KCNJ16: variants seen among roughly 807,000 people sequenced by gnomAD.
The protein encoded by KCNJ16 is inward rectifier potassium channel 16.
A neutral mutation model predicts 18.5 loss-of-function variants in KCNJ16; 15 were observed. That is an observed-to-expected ratio of 0.81 (90% CI 0.54 to 1.25). KCNJ16 has a LOEUF of 1.25. Ranked by LOEUF, KCNJ16 falls within the 50% of genes most tolerant of loss-of-function variation. KCNJ16 has a pLI of 0.00. For missense variants in KCNJ16, 523 were observed against 525.7 expected (o/e 0.99, Z 0.05); for synonymous variants, 174 against 186.5 (o/e 0.93, Z 0.55).
chr17:70,132,639 C>T lies in KCNJ16; in HGVS notation c.552C>T (p.Phe184=), dbSNP rs2074099158. The change falls in exon 4 of 4, where the codon TTC becomes TTT. Residue 184 remains phenylalanine (F), a synonymous_variant. Transcript: ENST00000392671. The part of the protein sequence containing the change: ...TARKRAQTIR[F]SYFALIGMRD... ...GAAAGAGAGCCCAAACCATTCGTTTCAGCTACTTTGCACTTATAGGTATGA... is the reference window on the plus strand; with the variant it reads ...GAAAGAGAGCCCAAACCATTCGTTTTAGCTACTTTGCACTTATAGGTATGA... 1 of 1,614,104 alleles carries T rather than the reference C, an allele frequency of 6.2e-7. No individual in the cohort carries two copies. The highest frequency in any genetic ancestry group is 1.7e-5 in the Admixed American group (1 of 60,004).
At chr17:70,120,546 T>C (rs189525717) in intron 2 of KCNJ16, among the ~76,000 whole-genome samples, 1 of 152,214 alleles carries the variant, frequency 6.6e-6, no homozygotes. Flanking sequence ...CTTCTGCTTC[T>C]GGGGTTGCCT....
rs1264510458 is a variant in KCNJ16 at position 70,132,508 on chromosome 17, G to A, written c.421G>A (p.Glu141Lys). The A allele has an allele frequency of 6.2e-7, 1 of 1,614,072 alleles. No homozygotes were observed. The highest frequency in any genetic ancestry group is 8.5e-7 in the Non-Finnish European group (1 of 1,180,050). ...AGGATATGGTTATCGCTGTGTTACT[G>A]AAGAATGTTCTGTGGCCGTGCTCAT... ...TIGYGYRCVT[E>K]ECSVAVLMVI... is the part of the protein sequence containing the mutation. The change falls in exon 4 of 4, where the codon GAA becomes AAA. Residue 141 changes from glutamate to lysine, a missense_variant. Glu to Lys is a moderately conservative substitution (Grantham distance 56). Transcript: ENST00000392671.
intron 1 of KCNJ16, among the ~76,000 whole-genome samples, chr17:70,081,691 TAGG>T (rs2143565717): frequency 6.6e-6 from 1 of 152,244 alleles, no homozygotes; most frequent in Non-Finnish European, 1.5e-5. Context: ...TGTGCTCTGT[TAGG>T]GCAGCTTGTG....
chr17:70,108,605 A>G (rs1158484872), intron 2 of KCNJ16, among the ~76,000 whole-genome samples: 1 of 152,092 alleles, frequency 6.6e-6, no homozygotes, highest in Non-Finnish European at 1.5e-5. Context: ...CTCCTTCATC[A>G]CTATAGTGAC....
chr17:70,075,758 C>T (rs2143473099), intron 1 of KCNJ16, among the ~76,000 whole-genome samples: 1 of 152,194 alleles, frequency 6.6e-6, no homozygotes, highest in South Asian at 2.1e-4. Context: ...ATCCTGTATG[C>T]ACTTATGAAC....
At chr17:70,111,645 C>G (rs966681678) in intron 2 of KCNJ16, among the ~76,000 whole-genome samples, 1 of 152,120 alleles carries the variant, frequency 6.6e-6, no homozygotes, top group African/African-American at 2.4e-5. Flanking sequence ...ACCCAAATCT[C>G]ATCTTCAGTT....
chr17:70,132,492 T>A lies in KCNJ16; in HGVS notation c.405T>A (p.Gly135=), dbSNP rs1673446809. 1 of 1,614,184 alleles carries A rather than the reference T, an allele frequency of 6.2e-7. No individual in the cohort carries two copies. Among genetic ancestry groups the A allele is most frequent in the Non-Finnish European group, 8.5e-7 (1 of 1,180,038 alleles). ...AGACCCAAACCACCATAGGATATGG[T>A]TATCGCTGTGTTACTGAAGAATGTT... is the stretch of plus-strand genomic sequence containing the variant. ...SLETQTTIGY[G]YRCVTEECSV... Residue 135 remains glycine, a synonymous_variant, in exon 4 of 4, where the codon GGT becomes GGA. Coordinates refer to ENST00000392671, the MANE Select transcript of KCNJ16 (RefSeq NM_170741.4).
intron 1 of KCNJ16, among the ~76,000 whole-genome samples, chr17:70,085,423 C>A (rs1450445901): frequency 6.6e-6 from 1 of 152,172 alleles, no homozygotes; most frequent in Non-Finnish European, 1.5e-5. Flanking sequence ...AATGACATAG[C>A]TAGATTTGAA....
intron 1 of KCNJ16, among the ~76,000 whole-genome samples, chr17:70,082,002 T>C (rs2071577018): frequency 6.6e-6 from 1 of 152,212 alleles, no homozygotes; most frequent in Non-Finnish European, 1.5e-5. Flanking sequence ...TTTGGCTTCA[T>C]GAATTGAACA....
At chr17:70,111,473 C>T (rs993710569) in intron 2 of KCNJ16, among the ~76,000 whole-genome samples, 1 of 152,090 alleles carries the variant, frequency 6.6e-6, no homozygotes, top group African/African-American at 2.4e-5. Context: ...ACGCTGAATA[C>T]TTGGTTGCAC....
chr17:70,116,590 G>A (rs543078151), intron 2 of KCNJ16, among the ~76,000 whole-genome samples: 25 of 152,072 alleles, frequency 1.6e-4, no homozygotes, highest in Non-Finnish European at 3.1e-4. Context: ...AATATTGGGG[G>A]AGTCACATTT....
At chr17:70,123,945 T>C (rs1368223783) in intron 2 of KCNJ16, among the ~76,000 whole-genome samples, 2 of 152,204 alleles carry the variant, frequency 1.3e-5, no homozygotes, top group African/African-American at 4.8e-5. Context: ...AAAGCCTGCA[T>C]TCAATGATAA....
chr17:70,101,488 G>T (rs1185547944), intron 2 of KCNJ16: 1 of 152,022 alleles, frequency 6.6e-6, no homozygotes, highest in East Asian at 1.9e-4. Context: ...TTAACCATCT[G>T]GTGTTTCATG....
In KCNJ16 at chr17:70,100,748, G is replaced by GTCAATTTC. The variant is rs1422697914; in HGVS notation, c.-208_-207insCAATTTCT. On this transcript the variant is annotated 5_prime_UTR_variant, in exon 2 of 4. Transcript: ENST00000392671. ...CTTTATCTCAATTCTTAACTGCTGTGTTGCCTCTCACTTTAAAGGTAAGAA... is the reference window on the plus strand; with the variant it reads ...CTTTATCTCAATTCTTAACTGCTGTGTCAATTTCTTGCCTCTCACTTTAAAGGTAAGAA... The GTCAATTTC allele has an allele frequency of 6.6e-6, 1 of 152,134 alleles. No homozygotes were observed. The allele number at this position is 152,134 out of a possible 1,614,324, so 9.4% of individuals were successfully genotyped here. A position where few individuals can be genotyped will look rare whatever the true frequency, so the allele number is the denominator to read the frequency against.
intron 1 of KCNJ16, among the ~76,000 whole-genome samples, chr17:70,076,752 G>T (rs112690970): frequency 0.043 from 6,552 of 152,192 alleles, 120 homozygotes; most frequent in Middle Eastern, 0.062. Context: ...CTAAGACCTG[G>T]ATATAAATTA....
intron 2 of KCNJ16, among the ~76,000 whole-genome samples, chr17:70,111,968 G>C (rs561404047): frequency 6.6e-6 from 1 of 152,110 alleles, no homozygotes; most frequent in African/African-American, 2.4e-5. Context: ...TAACTAATAC[G>C]GTCACCAATC....
intron 1 of KCNJ16, among the ~76,000 whole-genome samples, chr17:70,087,568 G>A (rs2071868498): frequency 6.6e-6 from 1 of 152,104 alleles, no homozygotes; most frequent in Non-Finnish European, 1.5e-5. Context: ...TTAGCCGGTT[G>A]TGGTGGCAGG....
At chr17:70,103,935 ATC>A (rs1340310423) in intron 2 of KCNJ16, among the ~76,000 whole-genome samples, 11 of 102,746 alleles carry the variant, frequency 1.1e-4, no homozygotes, top group African/African-American at 3.7e-4. Flanking sequence ...TTATTTTATT[ATC>A]TTTTTTTTTT....
intron 1 of KCNJ16, among the ~76,000 whole-genome samples, chr17:70,099,077 C>A (rs1478334655): frequency 3.9e-5 from 6 of 152,224 alleles, no homozygotes; most frequent in Admixed American, 2.0e-4. Context: ...CTTTGATTTC[C>A]TCCAGAGAGG....
Sources: allele counts gnomAD v4.1 joint callset (sites outside exome capture counted in the v4.1 genomes callset), GRCh38; gene constraint gnomAD v4.1.1; transcripts MANE v1.5; gene names NCBI Gene and HGNC (gene_info 2026-07-23, HGNC 2026-07-21).